DDX10: variants seen among roughly 807,000 people sequenced by gnomAD.
The protein encoded by DDX10 is DEAD-box helicase 10, also known as probable ATP-dependent RNA helicase DDX10.
A neutral mutation model predicts 104.3 loss-of-function variants in DDX10; 74 were observed. The ratio of observed to expected loss-of-function variants is 0.71; its 90% confidence interval spans 0.59 to 0.86. The LOEUF is 0.86. Among genes scored for constraint, DDX10 ranks in the 40% least tolerant of loss-of-function variants. The pLI is 0.00. For missense variants in DDX10, 952 were observed against 1,040.0 expected, an observed-to-expected ratio of 0.92 and a Z score of 1.16; for synonymous variants, 351 against 353.4, an observed-to-expected ratio of 0.99 and a Z score of 0.08.
chr11:108,770,320 C>G (rs972852281), intron 13 of DDX10, among the ~76,000 whole-genome samples: 2 of 152,072 alleles, frequency 1.3e-5, no homozygotes, highest in African/African-American at 4.8e-5. Context: ...TTTAAGTTAT[C>G]TAAAAATAAA....
chr11:108,838,120 CTTTA>C (rs1207579003), intron 13 of DDX10, among the ~76,000 whole-genome samples: 2 of 150,638 alleles, frequency 1.3e-5, no homozygotes, highest in Admixed American at 6.6e-5. Flanking sequence ...TGGAAGATAG[CTTTA>C]TTTATCTTAT....
At chr11:108,710,249 C>A (rs559342449) in intron 10 of DDX10, among the ~76,000 whole-genome samples, 2 of 152,142 alleles carry the variant, frequency 1.3e-5, no homozygotes, top group Admixed American at 1.3e-4. Flanking sequence ...AAACACTGTA[C>A]ACGTAGGCTA....
At chr11:108,789,927 A>G (rs1861847831) in intron 13 of DDX10, among the ~76,000 whole-genome samples, 1 of 152,190 alleles carries the variant, frequency 6.6e-6, no homozygotes, top group Non-Finnish European at 1.5e-5. Context: ...TGATTAAAAG[A>G]CCCTGTAACT....
chr11:108,688,631 T>A (rs2094247852), intron 6 of DDX10, among the ~76,000 whole-genome samples: 1 of 152,232 alleles, frequency 6.6e-6, no homozygotes, highest in African/African-American at 2.4e-5. Context: ...GGAATACTAA[T>A]CAGCCCAGCA....
At chr11:108,767,926 C>G (rs995052578) in intron 13 of DDX10, 4 of 152,298 alleles carry the variant, frequency 2.6e-5, no homozygotes, top group African/African-American at 9.7e-5. Flanking sequence ...CTTCTTCTTC[C>G]TTCTGTTCAG....
chr11:108,934,862 A>G (rs965456894), intron 17 of DDX10, among the ~76,000 whole-genome samples: 3 of 152,242 alleles, frequency 2.0e-5, no homozygotes, highest in African/African-American at 7.2e-5. Flanking sequence ...GTCAGCAGAC[A>G]GGAGCCTGTG....
rs557130129 is a variant in DDX10, at chr11:108,880,519, C to T, written c.2304+28310C>T. On this transcript the variant is annotated intron_variant, in intron 16 of 17. Transcript: ENST00000322536. ...GGGCCCACTTTCTAGCTCAGAAGCC[C>T]GCTGTGTAAACAGATTATCAGAGTA... Among the ~76,000 whole-genome samples, 5 of 152,076 alleles carry T rather than the reference C, an allele frequency of 3.3e-5. No individual in the cohort carries two copies. In the South Asian group the frequency reaches 6.3e-4, roughly 19 times the overall value.
At chr11:108,866,728 T>C (rs1863012249) in intron 16 of DDX10, among the ~76,000 whole-genome samples, 1 of 152,216 alleles carries the variant, frequency 6.6e-6, no homozygotes, top group African/African-American at 2.4e-5. Flanking sequence ...CATTTAGTCC[T>C]CACATGTAGG....
At chr11:108,771,538 G>A (rs1290785106) in intron 13 of DDX10, among the ~76,000 whole-genome samples, 2 of 151,910 alleles carry the variant, frequency 1.3e-5, no homozygotes, top group Non-Finnish European at 2.9e-5. Context: ...ATAGAGACAG[G>A]GTTTCACTGT....
At chr11:108,678,870 ATTTT>A (rs769948315) in intron 5 of DDX10, among the ~76,000 whole-genome samples, 34 of 92,708 alleles carry the variant, frequency 3.7e-4, no homozygotes, top group East Asian at 2.9e-3. Context: ...GTTTCCCCTA[ATTTT>A]TTTTTTTTTT....
rs528985316 is a variant in DDX10 at position 108,880,719 on chromosome 11, T to G, written c.2304+28510T>G. On this transcript the variant is annotated intron_variant, in intron 16 of 17. Transcript: ENST00000322536. ...AGCTAACAGGGAACCTCAAGGAGCA[T>G]TTAAACAGGAAAGTAACATAATCCG... Among the ~76,000 whole-genome samples the G allele has an allele frequency of 3.9e-5, 6 of 152,316 alleles. No homozygotes were observed. In the East Asian group the frequency reaches 1.2e-3, roughly 29 times the overall value.
chr11:108,896,375 A>G (rs1292052880), intron 16 of DDX10, among the ~76,000 whole-genome samples: 1 of 150,642 alleles, frequency 6.6e-6, no homozygotes, highest in Admixed American at 6.6e-5. Flanking sequence ...TCTTCCTGCC[A>G]ATGCGTGTTT....
At chr11:108,865,912 A>G (rs1863003176) in intron 16 of DDX10, among the ~76,000 whole-genome samples, 1 of 152,196 alleles carries the variant, frequency 6.6e-6, no homozygotes, top group Admixed American at 6.6e-5. Flanking sequence ...TACATATGTA[A>G]TGATTGAATC....
intron 16 of DDX10, among the ~76,000 whole-genome samples, chr11:108,882,659 TTTA>T (rs1863242639): frequency 6.6e-6 from 1 of 152,216 alleles, no homozygotes; most frequent in Non-Finnish European, 1.5e-5. Context: ...GTCAAATTTA[TTTA>T]TTTTCATTGA....
At chr11:108,707,208 C>T (rs12788182) in intron 10 of DDX10, among the ~76,000 whole-genome samples, 7,545 of 152,226 alleles carry the variant, frequency 0.05, 251 homozygotes, top group Middle Eastern at 0.12. Flanking sequence ...GCATACCTAC[C>T]ATTTTAATAT....
chr11:108,718,887 C>A (rs955146207), intron 11 of DDX10, among the ~76,000 whole-genome samples: 1 of 152,068 alleles, frequency 6.6e-6, no homozygotes, highest in African/African-American at 2.4e-5. Flanking sequence ...CCTATGGAGA[C>A]AGAAAATGGT....
chr11:108,884,547 C>G (rs1378783452), intron 16 of DDX10, among the ~76,000 whole-genome samples: 1 of 152,172 alleles, frequency 6.6e-6, no homozygotes, highest in Non-Finnish European at 1.5e-5. Context: ...CATCTCTGCT[C>G]TTTCTGCCCT....
At chr11:108,743,729 G>A (rs957703933) in intron 13 of DDX10, among the ~76,000 whole-genome samples, 1 of 152,058 alleles carries the variant, frequency 6.6e-6, no homozygotes, top group Non-Finnish European at 1.5e-5. Flanking sequence ...AGAAGACTTT[G>A]CAAGACCTTT....
At chr11:108,773,622 C>T (rs1313788875) in intron 13 of DDX10, among the ~76,000 whole-genome samples, 1 of 151,882 alleles carries the variant, frequency 6.6e-6, no homozygotes, top group East Asian at 1.9e-4. Flanking sequence ...TCAGCTCTTC[C>T]TGGAATCTGA....
Sources: allele counts gnomAD v4.1 joint callset (sites outside exome capture counted in the v4.1 genomes callset), GRCh38; gene constraint gnomAD v4.1.1; transcripts MANE v1.5; gene names NCBI Gene and HGNC (gene_info 2026-07-23, HGNC 2026-07-21).